FARP1: variants seen among roughly 807,000 people sequenced by gnomAD.
FARP1 encodes the protein FERM, ARH/RhoGEF and pleckstrin domain protein 1, also known as FERM, ARHGEF and pleckstrin domain-containing protein 1.
Under a neutral mutation model 128.8 loss-of-function variants are expected in FARP1, and 52 were observed. The ratio of observed to expected loss-of-function variants is 0.40; its 90% CI spans 0.32 to 0.51. FARP1 has a LOEUF of 0.51. Among genes scored for constraint, FARP1 ranks in the 20% least tolerant of loss-of-function variants. The pLI, the probability that FARP1 is intolerant of heterozygous loss-of-function variation, is 0.45. For synonymous variants in FARP1, 580 were observed against 551.8 expected (o/e 1.05, Z -0.72); for missense variants, 1,333 against 1,367.9 (o/e 0.97, Z 0.40).
At chr13:98,389,886 C>T in intron 9 of FARP1, 71 bp from the exon 10 acceptor site, 1 of 1,447,116 alleles carries the variant, frequency 6.9e-7, no homozygotes, top group Non-Finnish European at 9.6e-7. Flanking sequence ...TATCTTCTGC[C>T]CCTTTTCTCC....
chr13:98,286,390 C>T (rs528258569), intron 2 of FARP1, among the ~76,000 whole-genome samples: 2 of 152,142 alleles, frequency 1.3e-5, no homozygotes, highest in Non-Finnish European at 2.9e-5. Flanking sequence ...ATAGTTCCCA[C>T]GTGTTGTGCA....
At chr13:98,281,804 A>G (rs767279058) in intron 2 of FARP1, among the ~76,000 whole-genome samples, 3 of 152,170 alleles carry the variant, frequency 2.0e-5, no homozygotes, top group Non-Finnish European at 4.4e-5. Flanking sequence ...GATTCTGGTT[A>G]ATAGTAAGTT....
intron 2 of FARP1, chr13:98,332,225 C>T (rs1887539408): frequency 6.6e-6 from 1 of 152,212 alleles, no homozygotes; most frequent in Admixed American, 6.5e-5. Flanking sequence ...AACACTAACT[C>T]CCCACTCCCC....
chr13:98,177,764 C>A (rs1878199866), intron 1 of FARP1: 1 of 152,284 alleles, frequency 6.6e-6, no homozygotes. Flanking sequence ...TCCTCAGCTC[C>A]CTCAGTGCAC....
intron 2 of FARP1, among the ~76,000 whole-genome samples, chr13:98,235,879 A>C (rs1054798423): frequency 6.8e-6 from 1 of 146,320 alleles, no homozygotes; most frequent in African/African-American, 2.6e-5. Context: ...GCTGGAATGT[A>C]ATGGTGTGAT....
At chr13:98,283,860 C>T (rs1885051637) in intron 2 of FARP1, among the ~76,000 whole-genome samples, 1 of 152,084 alleles carries the variant, frequency 6.6e-6, no homozygotes, top group Admixed American at 6.5e-5. Flanking sequence ...CCAAAATGTT[C>T]AAAGTTAGAA....
chr13:98,337,538 CGTGTGTGTGTGTGTGTGTGTGT>C (rs60625244), intron 2 of FARP1, among the ~76,000 whole-genome samples: 11 of 132,008 alleles, frequency 8.3e-5, no homozygotes, highest in South Asian at 5.5e-4. Flanking sequence ...TCTGTGTAGC[CGTGTGTGTGTGTGTGTGTGTGT>C]GTGTGTGTGT....
chr13:98,443,485 G>A (rs1372179475), intron 24 of FARP1, among the ~76,000 whole-genome samples: 1 of 152,220 alleles, frequency 6.6e-6, no homozygotes, highest in African/African-American at 2.4e-5. Flanking sequence ...CTCCCTGCAT[G>A]ACAGGACAAA....
intron 2 of FARP1, among the ~76,000 whole-genome samples, chr13:98,324,393 TGG>T (rs1887141056): frequency 1.3e-5 from 2 of 152,194 alleles, no homozygotes; most frequent in African/African-American, 4.8e-5. Context: ...TATTTTGTAT[TGG>T]GTAACCTTGG....
At chr13:98,155,284 G>T (rs1298738932) in intron 1 of FARP1, among the ~76,000 whole-genome samples, 1 of 146,014 alleles carries the variant, frequency 6.8e-6, no homozygotes. Context: ...GGCAGAGGTT[G>T]TGGTGAGCTG....
chr13:98,185,168 C>G (rs970174947), intron 1 of FARP1, among the ~76,000 whole-genome samples: 1 of 152,136 alleles, frequency 6.6e-6, no homozygotes, highest in African/African-American at 2.4e-5. Context: ...TTCATTACTT[C>G]TGTAAAATTT....
chr13:98,237,304 CAA>C (rs201944641), intron 2 of FARP1, among the ~76,000 whole-genome samples: 4 of 123,566 alleles, frequency 3.2e-5, no homozygotes, highest in Admixed American at 8.5e-5. Context: ...AACTCCGTCT[CAA>C]AAAAAAAAAA....
chr13:98,303,924 TTA>T (rs1886024825), intron 2 of FARP1, among the ~76,000 whole-genome samples: 1 of 152,196 alleles, frequency 6.6e-6, no homozygotes, highest in South Asian at 2.1e-4. Context: ...GCCTCTTTGA[TTA>T]GAAAGTTCCA....
intron 2 of FARP1, among the ~76,000 whole-genome samples, chr13:98,287,115 G>A (rs866634788): frequency 6.0e-5 from 9 of 150,034 alleles, no homozygotes; most frequent in East Asian, 3.9e-4. Flanking sequence ...CAAAATGTTC[G>A]CTTTTCCTTT....
intron 2 of FARP1, among the ~76,000 whole-genome samples, chr13:98,274,326 C>T (rs892785538): frequency 6.6e-6 from 1 of 152,094 alleles, no homozygotes; most frequent in Admixed American, 6.5e-5. Context: ...CGCGGGGCAG[C>T]GTGGGGCTCC....
At chr13:98,221,330 G>A (rs1881402083) in intron 2 of FARP1, among the ~76,000 whole-genome samples, 1 of 152,168 alleles carries the variant, frequency 6.6e-6, no homozygotes, top group Non-Finnish European at 1.5e-5. Flanking sequence ...AAAAGAAAGC[G>A]AATGAAAGCA....
chr13:98,384,597 C>A, intron 6 of FARP1, 133 bp from the exon 7 acceptor site: 2 of 629,176 alleles, frequency 3.2e-6, no homozygotes, highest in East Asian at 5.5e-5. Flanking sequence ...TGAGATCTGG[C>A]CCTTCTGATG....
intron 5 of FARP1, among the ~76,000 whole-genome samples, chr13:98,372,781 T>G (rs1889406069): frequency 6.6e-6 from 1 of 152,124 alleles, no homozygotes. Flanking sequence ...ACATGAGAGG[T>G]GGACTCTCCT....
intron 13 of FARP1, chr13:98,396,645 T>G: frequency 2.5e-6 from 1 of 397,468 alleles, no homozygotes; most frequent in Non-Finnish European, 4.4e-6. Flanking sequence ...TCTGCCTGAC[T>G]TCTAAAATCG....
Sources: gnomAD v4.1 joint callset for allele counts (sites outside exome capture counted in the v4.1 genomes callset) on GRCh38, gnomAD v4.1.1 for gene constraint, MANE v1.5 for transcripts, NCBI Gene and HGNC (gene_info 2026-07-23, HGNC 2026-07-21) for gene names.